Variants in VPS8 observed in about 807,000 individuals in gnomAD.
VPS8 encodes vacuolar protein sorting-associated protein 8 homolog.
VPS8 carries 129 observed loss-of-function variants against 216.4 expected under a neutral mutation model. The ratio of observed to expected loss-of-function variants is 0.60; its 90% CI spans 0.52 to 0.69. The LOEUF is 0.69. VPS8 is among the 30% of genes least tolerant of loss of function. The probability of loss-of-function intolerance (pLI) is 0.00; values close to 1 mark genes in which losing one functional copy is unlikely to be tolerated. For missense variants in VPS8, 1,531 were observed against 1,683.5 expected (o/e 0.91, Z 1.59); for synonymous variants, 571 against 565.4 (o/e 1.01, Z -0.14).
At chr3:185,009,118 G>A (rs1006532655) in intron 45 of VPS8, among the ~76,000 whole-genome samples, 2 of 152,200 alleles carry the variant, frequency 1.3e-5, no homozygotes, top group Non-Finnish European at 2.9e-5. Flanking sequence ...TTGAAGTTCT[G>A]TAAATTCGTA....
chr3:184,995,279 CT>C (rs989409101), intron 43 of VPS8, among the ~76,000 whole-genome samples: 3 of 151,932 alleles, frequency 2.0e-5, no homozygotes, highest in Admixed American at 6.6e-5. Flanking sequence ...ACAATGTCTG[CT>C]TTTTTTTAAG....
intron 36 of VPS8, among the ~76,000 whole-genome samples, chr3:184,948,321 G>A (rs1744065284): frequency 6.6e-6 from 1 of 151,464 alleles, no homozygotes; most frequent in African/African-American, 2.4e-5. Context: ...AGACCAGCCT[G>A]GGCAACATAG....
intron 45 of VPS8, among the ~76,000 whole-genome samples, chr3:185,015,768 G>T (rs1159246503): frequency 6.6e-6 from 1 of 152,194 alleles, no homozygotes; most frequent in Admixed American, 6.5e-5. Context: ...TCCTGAGAGG[G>T]ACAGTAATTT....
intron 45 of VPS8, among the ~76,000 whole-genome samples, chr3:185,021,066 C>G (rs1411534977): frequency 2.6e-5 from 4 of 152,004 alleles, no homozygotes; most frequent in Non-Finnish European, 5.9e-5. Context: ...GAGCAAGACT[C>G]CATCTCAAAA....
chr3:184,945,213 T>C (rs2109358459), intron 36 of VPS8, among the ~76,000 whole-genome samples: 1 of 152,058 alleles, frequency 6.6e-6, no homozygotes, highest in South Asian at 2.1e-4. Flanking sequence ...TCTTTATTCC[T>C]TTAATCAGTA....
intron 45 of VPS8, among the ~76,000 whole-genome samples, chr3:185,005,878 G>A (rs1214258679): frequency 6.6e-6 from 1 of 152,000 alleles, no homozygotes; most frequent in East Asian, 1.9e-4. Context: ...TACCGATTGG[G>A]TGTCCTTTAT....
At chr3:184,856,370 A>G (rs947011010) in intron 14 of VPS8, among the ~76,000 whole-genome samples, 2 of 152,242 alleles carry the variant, frequency 1.3e-5, no homozygotes, top group African/African-American at 4.8e-5. Context: ...TAGAGAGAGT[A>G]TTAATGGCTT....
intron 21 of VPS8, among the ~76,000 whole-genome samples, chr3:184,878,658 G>A (rs1729717672): frequency 6.6e-6 from 1 of 152,154 alleles, no homozygotes; most frequent in African/African-American, 2.4e-5. Flanking sequence ...AAAGAGTGTT[G>A]ATGTCTAGCA....
intron 21 of VPS8, chr3:184,882,348 G>T: frequency 2.2e-6 from 1 of 450,072 alleles, no homozygotes; most frequent in Non-Finnish European, 4.5e-6. Context: ...TTTTTCTTTA[G>T]GCTATTGGCA....
chr3:184,893,475 A>G (rs1732761090), intron 22 of VPS8: 1 of 507,270 alleles, frequency 2.0e-6, no homozygotes, highest in Non-Finnish European at 2.6e-6. Flanking sequence ...GAAGTGAATG[A>G]TACAAGGCAA....
At chr3:185,045,041 A>T (rs1712543635) in intron 46 of VPS8, among the ~76,000 whole-genome samples, 1 of 152,182 alleles carries the variant, frequency 6.6e-6, no homozygotes, top group Non-Finnish European at 1.5e-5. Flanking sequence ...AGGTGGTGGC[A>T]AAAGACTGGC....
At chr3:184,823,840 A>G (rs1240477559) in intron 1 of VPS8, among the ~76,000 whole-genome samples, 2 of 152,242 alleles carry the variant, frequency 1.3e-5, no homozygotes, top group African/African-American at 4.8e-5. Flanking sequence ...AGTGTGATCT[A>G]TCATTTAGAG....
chr3:185,013,203 G>A (rs1364981089), intron 45 of VPS8, among the ~76,000 whole-genome samples: 1 of 152,232 alleles, frequency 6.6e-6, no homozygotes, highest in Non-Finnish European at 1.5e-5. Flanking sequence ...TGGCCATCAT[G>A]AGCATGTCAC....
At chr3:185,031,070 T>TG (rs1233157601) in intron 46 of VPS8, among the ~76,000 whole-genome samples, 1 of 141,860 alleles carries the variant, frequency 7.0e-6, no homozygotes, top group African/African-American at 2.7e-5. Flanking sequence ...GGCGTTTTTT[T>TG]TTTTTTTTTT....
intron 46 of VPS8, among the ~76,000 whole-genome samples, chr3:185,037,217 C>T (rs557607706): frequency 2.6e-5 from 4 of 152,174 alleles, no homozygotes; most frequent in African/African-American, 9.6e-5. Flanking sequence ...ATGTCACCTT[C>T]ATTTTTGAAA....
chr3:184,832,874 A>G (rs1404490709), intron 4 of VPS8, 55 bp downstream of exon 4: 4 of 1,561,552 alleles, frequency 2.6e-6, no homozygotes, highest in African/African-American at 1.4e-5. Flanking sequence ...AATTGTTTCA[A>G]ATGTAAATAT....
At chr3:185,043,256 A>G (rs950614455) in intron 46 of VPS8, among the ~76,000 whole-genome samples, 1 of 152,212 alleles carries the variant, frequency 6.6e-6, no homozygotes, top group African/African-American at 2.4e-5. Context: ...TAATATGTCT[A>G]AACTTCAGTT....
intron 47 of VPS8, among the ~76,000 whole-genome samples, chr3:185,050,831 G>A (rs13082381): frequency 0.47 from 71,914 of 151,570 alleles, 17,293 homozygotes; most frequent in East Asian, 0.67. Flanking sequence ...GGCTTTCACT[G>A]GCCTCCATGT....
rs369875498 is a variant in VPS8 at position 185,017,779 on chromosome 3, G to A, written c.4003-6557G>A. On this transcript the variant is annotated intron_variant, in intron 45 of 47. Transcript: ENST00000625842. ...CTGTGGCGGGGGACAGACATTGTACGGGGGTGAGGGAATGGCCTGAGCCGG... is the reference window on the plus strand; with the variant it reads ...CTGTGGCGGGGGACAGACATTGTACAGGGGTGAGGGAATGGCCTGAGCCGG... 4.2e-3 allele frequency among the ~76,000 whole-genome samples: 638 copies of A among 152,092 alleles called. 2 individuals carry two copies. The highest frequency in any genetic ancestry group is 0.01 in the Middle Eastern group (3 of 294).
Sources: allele counts gnomAD v4.1 joint callset (sites outside exome capture counted in the v4.1 genomes callset), GRCh38; gene constraint gnomAD v4.1.1; transcripts MANE v1.5; gene names NCBI Gene and HGNC (gene_info 2026-07-23, HGNC 2026-07-21).